Variants in SHQ1 observed in about 807,000 individuals in gnomAD.
SHQ1 encodes protein SHQ1 homolog.
Under a neutral mutation model 53.8 loss-of-function variants are expected in SHQ1, and 49 were observed. The ratio of observed to expected loss-of-function variants is 0.91; its 90% CI spans 0.72 to 1.16. SHQ1 has a LOEUF of 1.16. SHQ1 is among the 50% of genes most tolerant of loss of function. The pLI, the probability that SHQ1 is intolerant of heterozygous loss-of-function variation, is 0.00. For missense variants in SHQ1, 738 were observed against 683.1 expected, an observed-to-expected ratio of 1.08 and a Z score of -0.90; for synonymous variants, 243 against 251.0, an observed-to-expected ratio of 0.97 and a Z score of 0.30.
At chr3:72,756,863 C>T (rs973054904) in intron 10 of SHQ1, among the ~76,000 whole-genome samples, 6 of 152,154 alleles carry the variant, frequency 3.9e-5, no homozygotes, top group African/African-American at 7.2e-5. Context: ...GTAACTACCA[C>T]GAAAGAGTAA....
At chr3:72,777,053 T>C (rs542254856) in intron 10 of SHQ1, among the ~76,000 whole-genome samples, 18 of 152,298 alleles carry the variant, frequency 1.2e-4, no homozygotes, top group African/African-American at 4.3e-4. Flanking sequence ...AAAAAATCTA[T>C]TCCAGGTGGA....
intron 10 of SHQ1, chr3:72,773,367 A>C: frequency 2.9e-5 from 15 of 513,164 alleles, no homozygotes; most frequent in Non-Finnish European, 4.5e-5. Context: ...AAAGGAAAAG[A>C]TGACACAGTA....
At chr3:72,740,399 C>T in the SHQ1 span, among the ~76,000 whole-genome samples, 2 of 152,194 alleles carry the variant, frequency 1.3e-5, no homozygotes, top group Admixed American at 1.3e-4. Flanking sequence ...GGGATGAATT[C>T]AGCACTGAAG....
intron 10 of SHQ1, among the ~76,000 whole-genome samples, chr3:72,783,043 G>A (rs1706116158): frequency 6.6e-6 from 1 of 152,148 alleles, no homozygotes; most frequent in South Asian, 2.1e-4. Flanking sequence ...AGAACAAGGA[G>A]ATGAAGGAAA....
At chr3:72,846,071 A>G in intron 1 of SHQ1, 1 of 745,336 alleles carries the variant, frequency 1.3e-6, no homozygotes, top group Non-Finnish European at 2.2e-6. Flanking sequence ...TACTATGAGC[A>G]TGAAATGATA....
downstream of SHQ1, among the ~76,000 whole-genome samples, chr3:72,744,956 A>C (rs1705232922): frequency 6.8e-6 from 1 of 147,906 alleles, no homozygotes; most frequent in African/African-American, 2.5e-5. Flanking sequence ...ATCTTTAAGG[A>C]TTTTATAATT....
chr3:72,731,863 A>G, the SHQ1 span, among the ~76,000 whole-genome samples: 5 of 151,290 alleles, frequency 3.3e-5, no homozygotes, highest in African/African-American at 1.2e-4. Context: ...ATCCACTACC[A>G]ATGTGCCAGT....
chr3:72,746,545 G>A (rs1705262521), downstream of SHQ1, among the ~76,000 whole-genome samples: 1 of 152,200 alleles, frequency 6.6e-6, no homozygotes, highest in African/African-American at 2.4e-5. Context: ...GAAAGGGTAG[G>A]AGAAACACTG....
At chr3:72,765,557 A>ATATATATATTTTTTTTTTTTTTTT (rs1491527508) in intron 10 of SHQ1, among the ~76,000 whole-genome samples, 1 of 57,194 alleles carries the variant, frequency 1.7e-5, no homozygotes, top group African/African-American at 7.9e-5. Flanking sequence ...ATATATATAT[A>ATATATATATTTTTTTTTTTTTTTT]TTTTTTTTTT....
chr3:72,735,151 A>T, the SHQ1 span, among the ~76,000 whole-genome samples: 1 of 151,820 alleles, frequency 6.6e-6, no homozygotes, highest in Admixed American at 6.6e-5. Flanking sequence ...GCTCTCCTTT[A>T]GAGCCTTTCA....
chr3:72,778,634 C>G (rs1234800461), intron 10 of SHQ1, among the ~76,000 whole-genome samples: 1 of 152,022 alleles, frequency 6.6e-6, no homozygotes, highest in East Asian at 1.9e-4. Flanking sequence ...TAACTAAACT[C>G]TACAAACATT....
the SHQ1 span, among the ~76,000 whole-genome samples, chr3:72,734,471 GTC>G: frequency 6.6e-6 from 1 of 151,034 alleles, no homozygotes; most frequent in Admixed American, 6.6e-5. Context: ...GGCCAGGCTG[GTC>G]TCTATTTCCT....
chr3:72,782,200 T>C (rs1575688499), intron 10 of SHQ1, among the ~76,000 whole-genome samples: 1 of 152,214 alleles, frequency 6.6e-6, no homozygotes, highest in Non-Finnish European at 1.5e-5. Context: ...AAACCTTCCA[T>C]AATGCCACAC....
intron 10 of SHQ1, among the ~76,000 whole-genome samples, chr3:72,784,204 T>G (rs1360769999): frequency 6.6e-6 from 1 of 152,020 alleles, no homozygotes; most frequent in Admixed American, 6.6e-5. Flanking sequence ...CATAAACCTT[T>G]AACATTCAAA....
chr3:72,780,687 T>A (rs895652973), intron 10 of SHQ1, among the ~76,000 whole-genome samples: 4 of 152,204 alleles, frequency 2.6e-5, no homozygotes, highest in Non-Finnish European at 4.4e-5. Context: ...ACACCGAAAG[T>A]GGCAAGAGTC....
intron 9 of SHQ1, among the ~76,000 whole-genome samples, chr3:72,807,950 TC>T (rs756588011): frequency 1.9e-4 from 29 of 152,210 alleles, no homozygotes; most frequent in Non-Finnish European, 1.5e-5. Flanking sequence ...GAAGGCTGTT[TC>T]TTGGGTTACT....
rs1706486899 is a variant in SHQ1, at chr3:72,792,930, C to CCA, written c.1165_1166dup (p.Trp389CysfsTer18). The stretch of plus-strand genomic sequence containing the variant: ...TGAAAACTTACTTGACTTTCTGAAT[C>CCA]CACACACAGTAGTCTGAGATGTAGA... On this transcript the variant is annotated frameshift_variant, in exon 10 of 11. Transcript: ENST00000325599. LOFTEE classifies it low-confidence loss of function (END_TRUNC). The CCA allele has an allele frequency of 3.1e-6, 5 of 1,606,092 alleles. No homozygotes were observed. In the South Asian group the frequency reaches 5.6e-5, roughly 18 times the overall value.
At chr3:72,790,912 A>AT (rs1706412045) in intron 10 of SHQ1, among the ~76,000 whole-genome samples, 1 of 152,142 alleles carries the variant, frequency 6.6e-6, no homozygotes, top group South Asian at 2.1e-4. Context: ...ACATTATCCC[A>AT]TTTTTTAAAA....
At chr3:72,791,548 C>T (rs1706437600) in intron 10 of SHQ1, among the ~76,000 whole-genome samples, 1 of 152,166 alleles carries the variant, frequency 6.6e-6, no homozygotes, top group South Asian at 2.1e-4. Flanking sequence ...TATAATGGCT[C>T]ATTCAAAACA....
Sources: gnomAD v4.1 joint callset for allele counts (sites outside exome capture counted in the v4.1 genomes callset) on GRCh38, gnomAD v4.1.1 for gene constraint, MANE v1.5 for transcripts, NCBI Gene and HGNC (gene_info 2026-07-23, HGNC 2026-07-21) for gene names.